SLC24A2: variants seen among roughly 807,000 people sequenced by gnomAD.
SLC24A2 encodes the protein sodium/potassium/calcium exchanger 2.
SLC24A2 carries 36 observed loss-of-function variants against 62.0 expected under a neutral mutation model. The ratio of observed to expected loss-of-function variants is 0.58; its 90% CI spans 0.44 to 0.77. The LOEUF (loss-of-function observed/expected upper bound fraction) is 0.77. Ranked by LOEUF, SLC24A2 falls within the 30% of genes least tolerant of loss-of-function variation. SLC24A2 has a pLI of 0.00. For missense variants in SLC24A2, 846 were observed against 817.9 expected (o/e 1.03, Z -0.42); for synonymous variants, 358 against 294.0 (o/e 1.22, Z -2.23).
At chr9:20,095,927 T>C in the SLC24A2 span, among the ~76,000 whole-genome samples, 45 of 152,128 alleles carry the variant, frequency 3.0e-4, no homozygotes, top group Non-Finnish European at 6.0e-4. Flanking sequence ...GTGAGACTTA[T>C]TCACTATCAT....
At chr9:19,915,511 T>G in the SLC24A2 span, among the ~76,000 whole-genome samples, 1 of 152,090 alleles carries the variant, frequency 6.6e-6, no homozygotes, top group African/African-American at 2.4e-5. Flanking sequence ...CCAAACTTTT[T>G]CCAGAGCACT....
chr9:19,659,082 A>G (rs1819020128), intron 2 of SLC24A2, among the ~76,000 whole-genome samples: 1 of 152,174 alleles, frequency 6.6e-6, no homozygotes, highest in Non-Finnish European at 1.5e-5. Context: ...TGCAGATGTA[A>G]TTAGTTAAGA....
At chr9:19,696,498 G>C (rs1191517146) in intron 2 of SLC24A2, among the ~76,000 whole-genome samples, 5 of 152,122 alleles carry the variant, frequency 3.3e-5, no homozygotes, top group African/African-American at 1.2e-4. Context: ...GAGTCTGGGA[G>C]GTTGGCAGGA....
chr9:19,655,144 A>T (rs1157513714), intron 2 of SLC24A2, among the ~76,000 whole-genome samples: 1 of 152,216 alleles, frequency 6.6e-6, no homozygotes. Flanking sequence ...CACTGTCTCA[A>T]ATTCAGAAGT....
chr9:20,285,237 C>T, the SLC24A2 span, among the ~76,000 whole-genome samples: 17,231 of 152,084 alleles, frequency 0.11, 1,013 homozygotes, highest in East Asian at 0.19. Flanking sequence ...GGAAATAGGG[C>T]CTTATATTAG....
chr9:19,942,116 AT>A, the SLC24A2 span, among the ~76,000 whole-genome samples: 8 of 152,276 alleles, frequency 5.3e-5, no homozygotes, highest in Admixed American at 5.2e-4. Flanking sequence ...CCTTATGCAT[AT>A]TTTATCTCAT....
chr9:19,629,740 C>T (rs951641971), intron 2 of SLC24A2, among the ~76,000 whole-genome samples: 15 of 152,244 alleles, frequency 9.9e-5, no homozygotes, highest in Middle Eastern at 3.4e-3. Flanking sequence ...TTTGGAAGTT[C>T]GGGTGGGCTC....
chr9:20,009,019 A>C, the SLC24A2 span, among the ~76,000 whole-genome samples: 8 of 152,162 alleles, frequency 5.3e-5, no homozygotes, highest in Non-Finnish European at 8.8e-5. Flanking sequence ...GCTATGATTC[A>C]ATGGTAAGAG....
chr9:20,150,031 G>T, the SLC24A2 span, among the ~76,000 whole-genome samples: 1 of 152,020 alleles, frequency 6.6e-6, no homozygotes, highest in Non-Finnish European at 1.5e-5. Flanking sequence ...GATGTGAATA[G>T]AAACGACATG....
At chr9:19,580,911 G>C (rs951990697) in intron 5 of SLC24A2, among the ~76,000 whole-genome samples, 4 of 152,220 alleles carry the variant, frequency 2.6e-5, no homozygotes, top group African/African-American at 9.6e-5. Flanking sequence ...ACTTGGGGAA[G>C]AGGGGCTCAT....
At chr9:19,664,366 A>G (rs1021419999) in intron 2 of SLC24A2, among the ~76,000 whole-genome samples, 7 of 152,272 alleles carry the variant, frequency 4.6e-5, no homozygotes, top group African/African-American at 1.4e-4. Flanking sequence ...GCTGTAAAGC[A>G]GCTGCCATTT....
intron 2 of SLC24A2, among the ~76,000 whole-genome samples, chr9:19,728,152 C>T (rs1373409900): frequency 2.6e-5 from 4 of 152,148 alleles, no homozygotes; most frequent in Admixed American, 1.3e-4. Context: ...GGCCTTTACC[C>T]AAGGCTGTGC....
At chr9:19,835,987 A>G in the SLC24A2 span, among the ~76,000 whole-genome samples, 1 of 152,236 alleles carries the variant, frequency 6.6e-6, no homozygotes, top group Admixed American at 6.5e-5. Flanking sequence ...CTGGGTACAT[A>G]ACGAAATGAA....
At chr9:19,692,413 A>T (rs1293879003) in intron 2 of SLC24A2, among the ~76,000 whole-genome samples, 1 of 152,276 alleles carries the variant, frequency 6.6e-6, no homozygotes, top group South Asian at 2.1e-4. Flanking sequence ...ACTGTAATTT[A>T]GATATTGTTT....
At chr9:20,208,368 C>T in the SLC24A2 span, among the ~76,000 whole-genome samples, 3 of 152,142 alleles carry the variant, frequency 2.0e-5, no homozygotes, top group Non-Finnish European at 4.4e-5. Flanking sequence ...CTGAAGCAGC[C>T]CAGAGCTAAG....
In SLC24A2 at chr9:19,516,356, GC is replaced by G; in HGVS notation, c.1782del (p.Gln594HisfsTer35). On this transcript the variant is annotated frameshift_variant, in exon 11 of 11. Transcript: ENST00000341998. LOFTEE classifies it high-confidence loss of function. The part of the protein sequence containing the change: ...WLLYTVIHRF[Q>X]PVAVSSNGLF... ...AGGCCATTGCTGCTGACAGCCACTG[GC>G]TGGAATCTGTGAATGACGGTGTACA... The G allele has an allele frequency of 1.9e-6, 3 of 1,614,148 alleles. No homozygotes were observed. Among genetic ancestry groups the G allele is most frequent in the Non-Finnish European group, 2.5e-6 (3 of 1,179,994 alleles).
the SLC24A2 span, among the ~76,000 whole-genome samples, chr9:19,977,575 T>C: frequency 1.7e-3 from 264 of 152,260 alleles, 1 homozygote; most frequent in Middle Eastern, 0.017. Flanking sequence ...TTCTGAAATA[T>C]TAACTTGGGC....
At chr9:20,129,936 C>CACAG in the SLC24A2 span, among the ~76,000 whole-genome samples, 1 of 149,476 alleles carries the variant, frequency 6.7e-6, no homozygotes, top group East Asian at 1.9e-4. Context: ...ACTACACACA[C>CACAG]ACACACACAC....
intron 2 of SLC24A2, among the ~76,000 whole-genome samples, chr9:19,671,378 A>AACT (rs61302792): frequency 0.028 from 4,241 of 152,134 alleles, 211 homozygotes; most frequent in African/African-American, 0.097. Context: ...TGTATAGCAG[A>AACT]ACTACTCATT....
Sources: gnomAD v4.1 joint callset for allele counts (sites outside exome capture counted in the v4.1 genomes callset) on GRCh38, gnomAD v4.1.1 for gene constraint, MANE v1.5 for transcripts, NCBI Gene and HGNC (gene_info 2026-07-23, HGNC 2026-07-21) for gene names.